NPAS3: variants seen among roughly 807,000 people sequenced by gnomAD.
NPAS3 encodes neuronal PAS domain protein 3.
In NPAS3, 14 loss-of-function variants were observed where a neutral mutation model predicts 73.1. The ratio of observed to expected loss-of-function variants is 0.19; its 90% confidence interval spans 0.13 to 0.30. The LOEUF (loss-of-function observed/expected upper bound fraction) is 0.30. NPAS3 is among the 10% of genes least tolerant of loss of function. NPAS3 has a pLI of 1.00. For synonymous variants in NPAS3, 620 were observed against 541.5 expected (o/e 1.14, Z -2.01); for missense variants, 1,096 against 1,250.0 (o/e 0.88, Z 1.86).
intron 6 of NPAS3, among the ~76,000 whole-genome samples, chr14:33,686,444 C>G (rs944089): frequency 7.2e-5 from 11 of 152,252 alleles, no homozygotes; most frequent in East Asian, 1.9e-4. Context: ...TTAGAAGGAA[C>G]CTTCCTTGAG....
intron 6 of NPAS3, among the ~76,000 whole-genome samples, chr14:33,700,080 G>T (rs572360732): frequency 6.6e-6 from 1 of 152,204 alleles, no homozygotes; most frequent in South Asian, 2.1e-4. Context: ...TTTGTTTGGG[G>T]GTTTGGCTTG....
intron 2 of NPAS3, among the ~76,000 whole-genome samples, chr14:33,087,159 A>G (rs889182352): frequency 9.9e-6 from 1 of 101,330 alleles, no homozygotes; most frequent in African/African-American, 4.9e-5. Context: ...TATACAATAT[A>G]ATATTGTATA....
intron 1 of NPAS3, among the ~76,000 whole-genome samples, chr14:32,942,984 C>T (rs1398415387): frequency 2.0e-5 from 3 of 152,130 alleles, no homozygotes; most frequent in East Asian, 1.9e-4. Flanking sequence ...TCGTATAGCT[C>T]CAGAGCCAGG....
chr14:33,439,984 C>T lies in NPAS3; in HGVS notation c.468+72716C>T, dbSNP rs549816191. Among the ~76,000 whole-genome samples the T allele has an allele frequency of 3.9e-4, 60 of 151,986 alleles. No individual in the cohort carries two copies. The South Asian group carries it at 0.012, about 30-fold the overall frequency. Reference sequence around the variant, plus strand: ...CAAAAAAATTAGCTAGGCGTGGTGGCGGGCGCCTGTAGTCCCAGCCACTCG... The same window carrying T: ...CAAAAAAATTAGCTAGGCGTGGTGGTGGGCGCCTGTAGTCCCAGCCACTCG... On this transcript the variant is annotated intron_variant, in intron 4 of 11. Transcript: ENST00000356141.
At chr14:32,987,916 C>CTCAT (rs2038162173) in intron 1 of NPAS3, among the ~76,000 whole-genome samples, 1 of 152,112 alleles carries the variant, frequency 6.6e-6, no homozygotes. Flanking sequence ...AACATTCTGT[C>CTCAT]ATGTTTCAAC....
chr14:33,779,302 C>T (rs1030938058), intron 9 of NPAS3, among the ~76,000 whole-genome samples: 1 of 152,192 alleles, frequency 6.6e-6, no homozygotes, highest in Non-Finnish European at 1.5e-5. Flanking sequence ...CCATGCAGGA[C>T]CCCGCATCCA....
intron 5 of NPAS3, among the ~76,000 whole-genome samples, chr14:33,635,696 T>G (rs2058495350): frequency 6.6e-6 from 1 of 152,182 alleles, no homozygotes; most frequent in Admixed American, 6.5e-5. Flanking sequence ...GTATGAGCAA[T>G]CTAACTACTG....
intron 9 of NPAS3, among the ~76,000 whole-genome samples, chr14:33,787,043 A>G (rs1435760413): frequency 7.4e-6 from 1 of 135,412 alleles, no homozygotes; most frequent in Non-Finnish European, 1.6e-5. Flanking sequence ...TATATAACAA[A>G]TTCCCCCCCC....
intron 6 of NPAS3, among the ~76,000 whole-genome samples, chr14:33,678,894 T>C (rs61581311): frequency 0.02 from 3,095 of 152,270 alleles, 102 homozygotes; most frequent in African/African-American, 0.067. Context: ...AGCCCTAGCA[T>C]GCATAAAATA....
intron 11 of NPAS3, among the ~76,000 whole-genome samples, chr14:33,798,893 C>A (rs1177692359): frequency 6.8e-6 from 1 of 147,974 alleles, no homozygotes; most frequent in Non-Finnish European, 1.5e-5. Flanking sequence ...GTAATCCCAG[C>A]ACTTTGGGAG....
At chr14:33,695,200 G>T (rs1283108775) in intron 6 of NPAS3, among the ~76,000 whole-genome samples, 1 of 152,098 alleles carries the variant, frequency 6.6e-6, no homozygotes, top group Non-Finnish European at 1.5e-5. Flanking sequence ...ATAATTCACA[G>T]TATTTTTTAA....
intron 1 of NPAS3, among the ~76,000 whole-genome samples, chr14:32,953,431 G>A (rs112564977): frequency 2.3e-3 from 349 of 152,278 alleles, no homozygotes; most frequent in African/African-American, 6.9e-3. Context: ...AGTAGGCCCT[G>A]ACTGAGTGAG....
At chr14:33,289,541 C>A (rs1020319731) in intron 3 of NPAS3, among the ~76,000 whole-genome samples, 3 of 152,154 alleles carry the variant, frequency 2.0e-5, no homozygotes, top group Admixed American at 6.5e-5. Context: ...CTATCCTTGG[C>A]CAGGTGCGGC....
At chr14:33,248,237 C>A (rs1217566215) in intron 3 of NPAS3, among the ~76,000 whole-genome samples, 2 of 152,176 alleles carry the variant, frequency 1.3e-5, no homozygotes, top group African/African-American at 4.8e-5. Context: ...GTGTATGTTG[C>A]TGGCAAGGTC....
In NPAS3 at chr14:33,469,617, GTTC is replaced by G. The variant is rs145857865; in HGVS notation, c.469-90498_469-90496del. On this transcript the variant is annotated intron_variant, in intron 4 of 11. Transcript: ENST00000356141. ...AGTTATTCTAGGATAAGGAAAAAAT[GTTC>G]TTCTTTATAGCATGGATCCCGCCAG... 6.0e-4 allele frequency among the ~76,000 whole-genome samples: 91 copies of G among 152,276 alleles called. 1 individual carries two copies. In the East Asian group the frequency reaches 0.015, roughly 26 times the overall value.
chr14:33,177,074 A>T (rs972735957), intron 2 of NPAS3, among the ~76,000 whole-genome samples: 3 of 76,176 alleles, frequency 3.9e-5, no homozygotes, highest in African/African-American at 1.4e-4. Context: ...TTATCTTTTT[A>T]TTATTATTAT....
chr14:33,764,425 A>C (rs140074653), intron 7 of NPAS3, among the ~76,000 whole-genome samples: 284 of 152,372 alleles, frequency 1.9e-3, no homozygotes, highest in African/African-American at 6.4e-3. Context: ...GCGTTAAGCA[A>C]GAATAGAAAA....
intron 1 of NPAS3, among the ~76,000 whole-genome samples, chr14:33,002,180 T>C (rs61980343): frequency 0.07 from 10,624 of 152,276 alleles, 425 homozygotes; most frequent in Middle Eastern, 0.16. Flanking sequence ...AATGTTTGTG[T>C]GCATGTTTTG....
At chr14:33,653,362 G>C (rs1372346232) in intron 5 of NPAS3, among the ~76,000 whole-genome samples, 1 of 152,168 alleles carries the variant, frequency 6.6e-6, no homozygotes, top group Non-Finnish European at 1.5e-5. Context: ...CTGTATATTT[G>C]GTTGTTAGAC....
Sources: gnomAD v4.1 joint callset for allele counts (sites outside exome capture counted in the v4.1 genomes callset) on GRCh38, gnomAD v4.1.1 for gene constraint, MANE v1.5 for transcripts, NCBI Gene and HGNC (gene_info 2026-07-23, HGNC 2026-07-21) for gene names.